Variants in CSTPP1 observed in about 807,000 individuals in gnomAD.
CSTPP1 encodes the protein centriolar satellite-associated tubulin polyglutamylase complex regulator 1, also known as UPF0705 protein C11orf49.
At chr11:46,989,071 A>G in the CSTPP1 span, among the ~76,000 whole-genome samples, 1 of 151,952 alleles carries the variant, frequency 6.6e-6, no homozygotes, top group Admixed American at 6.6e-5. Context: ...CTCTACTAAA[A>G]ATACAAAAAT....
At chr11:46,955,516 A>C in the CSTPP1 span, among the ~76,000 whole-genome samples, 222 of 151,928 alleles carry the variant, frequency 1.5e-3, 1 homozygote, top group African/African-American at 5.1e-3. Flanking sequence ...GGTATGCGCC[A>C]CCACACCTGG....
the CSTPP1 span, among the ~76,000 whole-genome samples, chr11:47,090,901 C>T: frequency 0.98 from 149,111 of 151,400 alleles, 73,466 homozygotes; most frequent in Non-Finnish European, 1. Context: ...TAGCCAGGCG[C>T]GGTGGCGGGC....
the CSTPP1 span, among the ~76,000 whole-genome samples, chr11:47,049,069 T>C: frequency 6.6e-6 from 1 of 152,088 alleles, no homozygotes; most frequent in Admixed American, 6.5e-5. Flanking sequence ...CACTGCAGCC[T>C]TGACCTCCTA....
chr11:46,991,827 G>A, the CSTPP1 span, among the ~76,000 whole-genome samples: 7 of 152,026 alleles, frequency 4.6e-5, no homozygotes, highest in Admixed American at 2.6e-4. Flanking sequence ...TGCAACCTCC[G>A]TCTCCCGGGT....
chr11:47,119,218 G>A, the CSTPP1 span, among the ~76,000 whole-genome samples: 1 of 152,258 alleles, frequency 6.6e-6, no homozygotes, highest in Non-Finnish European at 1.5e-5. Context: ...TCAGACTGCT[G>A]CGCTAGCAGT....
At chr11:47,076,230 C>T in the CSTPP1 span, among the ~76,000 whole-genome samples, 1 of 152,154 alleles carries the variant, frequency 6.6e-6, no homozygotes, top group African/African-American at 2.4e-5. Context: ...TTTTCCAGCT[C>T]CCTTCCCTTG....
the CSTPP1 span, among the ~76,000 whole-genome samples, chr11:47,086,515 A>G: frequency 2.0e-5 from 3 of 151,882 alleles, no homozygotes; most frequent in Non-Finnish European, 4.4e-5. Context: ...TAGGGGGTAA[A>G]GGGGGAAAGG....
the CSTPP1 span, chr11:46,948,123 G>C: frequency 4.4e-6 from 2 of 456,034 alleles, no homozygotes. Flanking sequence ...AGAACCGGTC[G>C]GCTCCATGGT....
At chr11:46,998,651 G>T in the CSTPP1 span, among the ~76,000 whole-genome samples, 5 of 152,160 alleles carry the variant, frequency 3.3e-5, no homozygotes, top group Non-Finnish European at 7.4e-5. Context: ...AAGGAGACCT[G>T]GATGATGGAA....
chr11:47,061,511 A>T, the CSTPP1 span, among the ~76,000 whole-genome samples: 2 of 152,318 alleles, frequency 1.3e-5, no homozygotes, highest in East Asian at 1.9e-4. Context: ...AGTAAAAATC[A>T]TTCAGTGAGG....
the CSTPP1 span, among the ~76,000 whole-genome samples, chr11:46,980,186 A>G: frequency 6.6e-6 from 1 of 152,214 alleles, no homozygotes; most frequent in Non-Finnish European, 1.5e-5. Flanking sequence ...TTTCACAGCT[A>G]TTAACCAGTA....
At chr11:47,114,899 G>T in the CSTPP1 span, among the ~76,000 whole-genome samples, 1 of 152,158 alleles carries the variant, frequency 6.6e-6, no homozygotes, top group Non-Finnish European at 1.5e-5. Context: ...GGGCATCCTT[G>T]TCTTGTGCCG....
chr11:47,033,794 A>G, the CSTPP1 span, among the ~76,000 whole-genome samples: 1 of 152,134 alleles, frequency 6.6e-6, no homozygotes, highest in Non-Finnish European at 1.5e-5. Flanking sequence ...GTCCTTTCCA[A>G]CAGAGTACTA....
the CSTPP1 span, among the ~76,000 whole-genome samples, chr11:46,985,580 C>T: frequency 2.1e-3 from 314 of 152,162 alleles, 1 homozygote; most frequent in African/African-American, 7.3e-3. Context: ...TGTCAGGAAA[C>T]CTCTGTCATA....
chr11:47,070,003 G>A, the CSTPP1 span, among the ~76,000 whole-genome samples: 5 of 152,184 alleles, frequency 3.3e-5, no homozygotes, highest in African/African-American at 1.2e-4. Flanking sequence ...ATGAGCCACC[G>A]CACCCGGCCG....
At chr11:46,949,150 T>C in the CSTPP1 span, among the ~76,000 whole-genome samples, 133 of 151,946 alleles carry the variant, frequency 8.8e-4, no homozygotes, top group Non-Finnish European at 1.6e-3. Context: ...ATTATTCTCC[T>C]TGATCAAATT....
chr11:46,985,403 CTG>C, the CSTPP1 span, among the ~76,000 whole-genome samples: 1 of 152,106 alleles, frequency 6.6e-6, no homozygotes, highest in African/African-American at 2.4e-5. Context: ...AGGAATGAAA[CTG>C]TGAAAGAAGT....
chr11:47,125,565 T>G, the CSTPP1 span, among the ~76,000 whole-genome samples: 2 of 152,256 alleles, frequency 1.3e-5, no homozygotes, highest in African/African-American at 4.8e-5. Flanking sequence ...TCTTATTTAT[T>G]CTGTGGCTGC....
chr11:46,959,949 C>T, the CSTPP1 span, among the ~76,000 whole-genome samples: 1 of 151,600 alleles, frequency 6.6e-6, no homozygotes, highest in African/African-American at 2.4e-5. Context: ...TCACTGCAAC[C>T]TCCACCTCCC....
Sources: allele counts gnomAD v4.1 joint callset (sites outside exome capture counted in the v4.1 genomes callset), GRCh38; gene constraint gnomAD v4.1.1; transcripts MANE v1.5; gene names NCBI Gene and HGNC (gene_info 2026-07-23, HGNC 2026-07-21).